The following MYO1D variants were observed in gnomAD, a reference collection of about 807,000 sequenced individuals.
The protein encoded by MYO1D is unconventional myosin-Id.
A neutral mutation model predicts 122.0 loss-of-function variants in MYO1D; 83 were observed. The observed-to-expected ratio is 0.68, with a 90% CI of 0.57 to 0.82. The LOEUF (loss-of-function observed/expected upper bound fraction) is 0.82, where lower values mean the gene tolerates loss of function less well. MYO1D is among the 40% of genes least tolerant of loss of function. The pLI is 0.00. For synonymous variants in MYO1D, 464 were observed against 446.9 expected (o/e 1.04, Z -0.48); for missense variants, 1,157 against 1,269.5 (o/e 0.91, Z 1.35).
At chr17:32,644,018 G>A (rs895479719) in intron 19 of MYO1D, among the ~76,000 whole-genome samples, 3 of 151,906 alleles carry the variant, frequency 2.0e-5, no homozygotes, top group African/African-American at 7.3e-5. Context: ...AGGGTGTCAA[G>A]TTTAGATCTT....
rs1187777955 is a variant in MYO1D, at chr17:32,723,314, C to T, written c.1747-2125G>A. ...AGTAAAGGAGAGTCTTATTAGGGAC[C>T]CTGTCCTTTAATTTTTTAGATTAAT... On this transcript the variant is annotated intron_variant, in intron 14 of 21. Coordinates refer to ENST00000318217, the MANE Select transcript of MYO1D (RefSeq NM_015194.3). Among the ~76,000 whole-genome samples the T allele has an allele frequency of 3.9e-5, 6 of 152,202 alleles. 1 individual carries two copies. Among genetic ancestry groups the T allele is most frequent in the Middle Eastern group, 6.8e-3 (2 of 294 alleles).
At chr17:32,833,961 C>A (rs147985618) in intron 1 of MYO1D, among the ~76,000 whole-genome samples, 27 of 152,124 alleles carry the variant, frequency 1.8e-4, no homozygotes, top group Middle Eastern at 3.4e-3. Context: ...CATTTATCAC[C>A]AACTAATGCA....
At chr17:32,644,627 G>A (rs2088258673) in intron 19 of MYO1D, among the ~76,000 whole-genome samples, 1 of 152,202 alleles carries the variant, frequency 6.6e-6, no homozygotes, top group Non-Finnish European at 1.5e-5. Context: ...ATTTAGGACA[G>A]TTAGCTCTTC....
chr17:32,542,566 C>T (rs755811830), intron 21 of MYO1D, among the ~76,000 whole-genome samples: 1 of 149,724 alleles, frequency 6.7e-6, no homozygotes, highest in East Asian at 1.9e-4. Context: ...TGTTCACACC[C>T]GGCAGCATGT....
chr17:32,760,606 A>C lies in MYO1D; in HGVS notation c.1057T>G (p.Cys353Gly). The part of the protein sequence containing the change: ...FAKAIYERLF[C>G]WIVTRINDII... Reference sequence around the variant, plus strand: ...TCATTGATGCGAGTAACGATCCAACAAAAAAGGCGCTCATATATTGCCTGC... The same window carrying C: ...TCATTGATGCGAGTAACGATCCAACCAAAAAGGCGCTCATATATTGCCTGC... The change falls in exon 9 of 22, where the codon TGT (cysteine) becomes GGT (glycine). Residue 353 changes from cysteine (C) to glycine (G), a missense_variant. Transcript: ENST00000318217. 4.4e-6 allele frequency: 7 copies of C among 1,608,284 alleles called. No homozygotes were observed. The highest frequency in any genetic ancestry group is 5.9e-6 in the Non-Finnish European group (7 of 1,177,872).
chr17:32,543,144 T>C lies in MYO1D; in HGVS notation c.2865-48229A>G, dbSNP rs992168092. ...GGGAGGCTGAGGCAGGAGAATGGCA[T>C]GAACCTGGGAGGCGGAGCTTGCAGT... On this transcript the variant is annotated intron_variant, in intron 21 of 21. Coordinates refer to ENST00000318217, the MANE Select transcript of MYO1D (RefSeq NM_015194.3). Among the ~76,000 whole-genome samples the C allele has an allele frequency of 1.2e-4, 18 of 150,660 alleles. 1 individual carries two copies. Among genetic ancestry groups the C allele is most frequent in the Admixed American group, 1.1e-3 (16 of 15,102 alleles).
intron 11 of MYO1D, among the ~76,000 whole-genome samples, chr17:32,753,001 T>TCATGGAAA (rs577792724): frequency 1.1e-3 from 165 of 152,214 alleles, no homozygotes; most frequent in African/African-American, 3.7e-3. Flanking sequence ...AATAGCAAAG[T>TCATGGAAA]CATGGAAACA....
At chr17:32,658,921 T>C in intron 17 of MYO1D, 194 bp downstream of exon 17, 2 of 597,900 alleles carry the variant, frequency 3.3e-6, no homozygotes, top group Non-Finnish European at 5.8e-6. Context: ...GAAAAACAAA[T>C]TGGCAGTTCC....
intron 21 of MYO1D, among the ~76,000 whole-genome samples, chr17:32,543,993 A>G (rs959084447): frequency 5.9e-5 from 9 of 151,748 alleles, no homozygotes; most frequent in African/African-American, 2.2e-4. Context: ...GGGTTTCACT[A>G]TGTTGGCCAG....
At chr17:32,706,632 A>G (rs1353144064) in intron 16 of MYO1D, among the ~76,000 whole-genome samples, 1 of 152,204 alleles carries the variant, frequency 6.6e-6, no homozygotes, top group Admixed American at 6.5e-5. Context: ...GAAATGTTTA[A>G]ATAAAATTAA....
At chr17:32,657,065 T>C (rs958334753) in intron 17 of MYO1D, among the ~76,000 whole-genome samples, 2 of 152,218 alleles carry the variant, frequency 1.3e-5, no homozygotes, top group African/African-American at 4.8e-5. Flanking sequence ...AACTGCTGTC[T>C]ATAAATACGT....
chr17:32,619,048 T>G (rs1161816923), intron 20 of MYO1D, among the ~76,000 whole-genome samples: 1 of 152,196 alleles, frequency 6.6e-6, no homozygotes, highest in Non-Finnish European at 1.5e-5. Context: ...TCTGGCAGTT[T>G]GAGTTCCTGG....
intron 17 of MYO1D, among the ~76,000 whole-genome samples, chr17:32,655,699 G>C (rs2543968): frequency 0.69 from 104,165 of 152,044 alleles, 35,833 homozygotes; most frequent in Middle Eastern, 0.77. Flanking sequence ...AGACCATGAT[G>C]AGGACTTTGG....
chr17:32,534,691 G>C (rs1169703232), intron 21 of MYO1D, among the ~76,000 whole-genome samples: 1 of 152,172 alleles, frequency 6.6e-6, no homozygotes, highest in Non-Finnish European at 1.5e-5. Flanking sequence ...GGAAGCTTCT[G>C]CTGATGTTTC....
chr17:32,644,409 T>G (rs1246754576), intron 19 of MYO1D, among the ~76,000 whole-genome samples: 1 of 152,004 alleles, frequency 6.6e-6, no homozygotes, highest in Non-Finnish European at 1.5e-5. Context: ...GGGTGGAGAG[T>G]TCTGTAGATG....
Position 32,548,059 on chromosome 17 carries a change from C to A in MYO1D, c.2865-53144G>T, listed in dbSNP as rs112727263. On this transcript the variant is annotated intron_variant, in intron 21 of 21. Coordinates refer to ENST00000318217, the MANE Select transcript of MYO1D (RefSeq NM_015194.3). ...GAGAGAGCACTCATCATTGCAGTTG[C>A]TATAGAACCCTAAGCCCTTTCTTTC... Among the ~76,000 whole-genome samples the A allele has an allele frequency of 3.3e-3, 501 of 152,198 alleles. 3 individuals are homozygous for A. Among genetic ancestry groups the A allele is most frequent in the African/African-American group, 0.01 (419 of 41,528 alleles).
Position 32,539,553 on chromosome 17 carries a change from G to A in MYO1D, c.2865-44638C>T, listed in dbSNP as rs145942297. The stretch of plus-strand genomic sequence containing the variant: ...AGGGTTCTCTGTCTCTTCCAGCTTC[G>A]GGTGGCTGCCAGCACTCCTTGACTT... On this transcript the variant is annotated intron_variant, in intron 21 of 21. Transcript: ENST00000318217. Among the ~76,000 whole-genome samples the A allele has an allele frequency of 6.4e-3, 974 of 152,084 alleles. 12 individuals are homozygous for A. The highest frequency in any genetic ancestry group is 0.021 in the African/African-American group (865 of 41,490).
chr17:32,655,999 A>G (rs2088471911), intron 17 of MYO1D, among the ~76,000 whole-genome samples: 1 of 152,174 alleles, frequency 6.6e-6, no homozygotes, highest in Non-Finnish European at 1.5e-5. Context: ...ATGACTCCAA[A>G]ATTTTTTGGC....
intron 16 of MYO1D, among the ~76,000 whole-genome samples, chr17:32,710,273 A>G (rs2089358826): frequency 6.6e-6 from 1 of 152,164 alleles, no homozygotes; most frequent in African/African-American, 2.4e-5. Flanking sequence ...GTAAGTGTGA[A>G]TAAAACTATT....
Sources: allele counts gnomAD v4.1 joint callset (sites outside exome capture counted in the v4.1 genomes callset), GRCh38; gene constraint gnomAD v4.1.1; transcripts MANE v1.5; gene names NCBI Gene and HGNC (gene_info 2026-07-23, HGNC 2026-07-21).